The following NOS3 variants were observed in gnomAD, a reference collection of about 807,000 sequenced individuals.
The protein encoded by NOS3 is NOS type III.
A neutral mutation model predicts 144.9 loss-of-function variants in NOS3; 98 were observed. The observed-to-expected ratio is 0.68, with a 90% confidence interval of 0.57 to 0.80. The LOEUF is 0.80. NOS3 is among the 30% of genes least tolerant of loss of function. NOS3 has a pLI of 0.00. For synonymous variants in NOS3, 714 were observed against 702.4 expected, an observed-to-expected ratio of 1.02 and a Z score of -0.26; for missense variants, 1,465 against 1,656.4, an observed-to-expected ratio of 0.88 and a Z score of 2.01.
Position 151,007,279 on chromosome 7 carries a change from G to A in NOS3, c.2112+3G>A, listed in dbSNP as rs759845768. On this transcript the variant is annotated splice_donor_region_variant and intron_variant, in intron 17 of 26. Coordinates refer to ENST00000297494, the MANE Select transcript of NOS3 (RefSeq NM_000603.5). ...GCTGGGCCCAGGCTGCCTTCCAGGT[G>A]AGCCCAGCCCAGCCCCTGCTCTGAC... The A allele has an allele frequency of 1.2e-5, 19 of 1,594,484 alleles. No individual in the cohort carries two copies. Among genetic ancestry groups the A allele is most frequent in the East Asian group, 2.2e-5 (1 of 44,740 alleles).
chr7:150,993,888 C>G lies in NOS3; in HGVS notation c.85C>G (p.Gln29Glu). 1.2e-6 allele frequency: 2 copies of G among 1,600,116 alleles called. No homozygotes were observed. The highest frequency in any genetic ancestry group is 1.7e-6 in the Non-Finnish European group (2 of 1,174,844). Residue 29 changes from glutamine to glutamate, a missense_variant, in exon 2 of 27, where the codon CAG (glutamine) becomes GAG (glutamate). Physicochemically the swap from Gln to Glu is conservative, Grantham distance 29 (BLOSUM62 2). Transcript: ENST00000297494. This position sits in a 1 kb window ranked among gnomAD's most constrained non-coding sequence, Gnocchi z 4.0. The part of the protein sequence containing the change: ...LGLGLGLCGK[Q>E]GPATPAPEPS... ...GCTGGGCCTTGGGCTGTGCGGCAAG[C>G]AGGGCCCAGCCACCCCGGCCCCTGA...
In NOS3 at chr7:150,996,859, C is replaced by A. The variant is rs145711802; in HGVS notation, c.516C>A (p.Phe172Leu). Reference protein sequence around the residue: ...TYQLRESELVFGAKQAWRNAP... With the variant: ...TYQLRESELVLGAKQAWRNAP... ...AGCTTAGGGAGAGCGAGCTGGTGTT[C>A]GGGGCTAAGCAGGCCTGGCGCAACG... The change falls in exon 5 of 27, where the codon TTC (phenylalanine) becomes TTA (leucine). Residue 172 changes from phenylalanine to leucine, a missense_variant. Physicochemically the swap from Phe to Leu is conservative, Grantham distance 22. This residue lies in a region of NOS3 where 374 missense variants were observed against 377.0 expected (regional missense o/e 0.99). Transcript: ENST00000297494. The A allele has an allele frequency of 1.9e-6, 3 of 1,597,584 alleles. No individual in the cohort carries two copies. Among genetic ancestry groups the A allele is most frequent in the Non-Finnish European group, 1.7e-6 (2 of 1,173,032 alleles).
In NOS3 at chr7:151,008,566, G is replaced by A. The variant is rs1194942108; in HGVS notation, c.2113-364G>A. 3.9e-5 allele frequency among the ~76,000 whole-genome samples: 6 copies of A among 152,300 alleles called. No individual in the cohort carries two copies. In the South Asian group the frequency reaches 1.0e-3, roughly 26 times the overall value. On this transcript the variant is annotated intron_variant, in intron 17 of 26. Coordinates refer to ENST00000297494, the MANE Select transcript of NOS3 (RefSeq NM_000603.5). ...CAGAACACAATGAGGTGTAAAGATG[G>A]GGAAACTGAGGCATGTCACTGTAAG...
chr7:151,011,126 C>T, intron 23 of NOS3, 140 bp downstream of exon 23: 1 of 633,596 alleles, frequency 1.6e-6, no homozygotes, highest in Non-Finnish European at 2.8e-6. Context: ...CATTAGGTCA[C>T]TTCAGAACTC....
chr7:151,004,205 C>T (rs1046838775), intron 14 of NOS3, among the ~76,000 whole-genome samples: 2 of 152,162 alleles, frequency 1.3e-5, no homozygotes, highest in East Asian at 1.9e-4. Context: ...GGCATGGTGG[C>T]GCACGCCTAT....
rs775043237 is a variant in NOS3, at chr7:151,013,183, G to T, written c.3107-48G>T. On this transcript the variant is annotated intron_variant, in intron 24 of 26. Coordinates refer to ENST00000297494, the MANE Select transcript of NOS3 (RefSeq NM_000603.5). The stretch of plus-strand genomic sequence containing the variant: ...GGTGGCCTGTGGGGAGGCCCCACTA[G>T]CACTGTGCCCCGGAGAAGAGCCTTC... The T allele has an allele frequency of 1.9e-6, 3 of 1,583,226 alleles. No individual in the cohort carries two copies. In the African/African-American group the frequency reaches 4.0e-5, roughly 21 times the overall value.
intron 5 of NOS3, 145 bp downstream of exon 5, chr7:150,997,070 G>A: frequency 1.9e-6 from 2 of 1,061,452 alleles, no homozygotes; most frequent in East Asian, 2.6e-5. Flanking sequence ...TGGAAAGGTA[G>A]GGGGACTGCC....
chr7:151,009,279 G>A lies in NOS3; in HGVS notation c.2324+12G>A, dbSNP rs758763838. The A allele has an allele frequency of 7.5e-6, 12 of 1,608,026 alleles. No homozygotes were observed. In the Admixed American group the frequency reaches 1.5e-4, roughly 20 times the overall value. Reference sequence around the variant, plus strand: ...AGCAGCAAGTCCACGTGAGGACGACGGCTTTACCGCCCCCCCACCCCTGTC... The same window carrying A: ...AGCAGCAAGTCCACGTGAGGACGACAGCTTTACCGCCCCCCCACCCCTGTC... On this transcript the variant is annotated intron_variant, in intron 19 of 26. Coordinates refer to ENST00000297494, the MANE Select transcript of NOS3 (RefSeq NM_000603.5).
Position 150,996,436 on chromosome 7 carries a change from C to A in NOS3, c.303C>A (p.Gly101=). The change falls in exon 4 of 27, where the codon GGC becomes GGA. Residue 101 remains glycine, a synonymous_variant. Coordinates refer to ENST00000297494, the MANE Select transcript of NOS3 (RefSeq NM_000603.5). ...CCTGCACCCCAAGACGCTGCCTGGG[C>A]TCCCTGGTATTTCCACGGAAACTAC... ...DGPCTPRRCL[G]SLVFPRKLQG... is the part of the protein sequence containing the mutation. 3.9e-6 allele frequency: 6 copies of A among 1,549,572 alleles called. No individual in the cohort carries two copies. Among genetic ancestry groups the A allele is most frequent in the East Asian group, 2.4e-5 (1 of 41,524 alleles).
At position 150,998,927 on chromosome 7, in the gene NOS3, T is replaced by C. The variant is rs780505090; in HGVS notation, c.817-19T>C. ...CATGAGGCTCAGCCCCAGAACCCCC[T>C]CTGGCCCACTCCCCACAGCTCTGCA... On this transcript the variant is annotated intron_variant, in intron 7 of 26. Coordinates refer to ENST00000297494, the MANE Select transcript of NOS3 (RefSeq NM_000603.5). The surrounding 1 kb of genome is among the most constrained non-coding windows in gnomAD (Gnocchi z 5.0). The C allele has an allele frequency of 1.6e-5, 26 of 1,604,850 alleles. No homozygotes were observed. Among genetic ancestry groups the C allele is most frequent in the Non-Finnish European group, 2.1e-5 (25 of 1,176,944 alleles).
chr7:151,006,408 CA>C lies in NOS3; in HGVS notation c.1753-16del, dbSNP rs534758823. ...AAATGAAACAAAACTAACCCTGATG[CA>C]AACACTCCCCTCGCCAGAGCTTTGC... On this transcript the variant is annotated intron_variant, in intron 14 of 26. Transcript: ENST00000297494. The C allele has an allele frequency of 6.2e-7, 1 of 1,608,828 alleles. No individual in the cohort carries two copies. Among genetic ancestry groups the C allele is most frequent in the Non-Finnish European group, 8.5e-7 (1 of 1,175,580 alleles).
rs13305985 is a variant in NOS3 at position 151,002,066 on chromosome 7, A to G, written c.1647+101A>G. ...CAGGAAGTGTTACAAGTCAGGACTCATGAGGAACCCGGAACCACAGGTGTT... is the reference window on the plus strand; with the variant it reads ...CAGGAAGTGTTACAAGTCAGGACTCGTGAGGAACCCGGAACCACAGGTGTT... On this transcript the variant is annotated intron_variant, in intron 13 of 26. Coordinates refer to ENST00000297494, the MANE Select transcript of NOS3 (RefSeq NM_000603.5). This position sits in a 1 kb window ranked among gnomAD's most constrained non-coding sequence, Gnocchi z 4.1. 1.3e-6 allele frequency: 2 copies of G among 1,510,306 alleles called. No individual in the cohort carries two copies. The highest frequency in any genetic ancestry group is 9.1e-7 in the Non-Finnish European group (1 of 1,101,694). The allele number at this position is 1,510,306 out of a possible 1,614,324, so 93.6% of individuals were successfully genotyped here. A position where few individuals can be genotyped will look rare whatever the true frequency, so the allele number is the denominator to read the frequency against.
At position 151,014,484 on chromosome 7, in the gene NOS3, T is replaced by TA; in HGVS notation, c.*316dup. 2.6e-6 allele frequency: 1 copy of TA among 379,024 alleles called. No individual in the cohort carries two copies. Among genetic ancestry groups the TA allele is most frequent in the Non-Finnish European group, 4.7e-6 (1 of 211,176 alleles). The allele number at this position is 379,024 out of a possible 1,614,324, so 23.5% of individuals were successfully genotyped here. ...CCTCTTGCCTCTCTCAGGAGTATCT[T>TA]ACCTGTAAAGTCTAATCTCTAAATC... On this transcript the variant is annotated 3_prime_UTR_variant, in exon 27 of 27. Transcript: ENST00000297494.
In NOS3 at chr7:151,009,403, C is replaced by G. The variant is rs1563229716; in HGVS notation, c.2330C>G (p.Ala777Gly). 2.0e-6 allele frequency: 3 copies of G among 1,493,688 alleles called. No individual in the cohort carries two copies. The highest frequency in any genetic ancestry group is 2.7e-6 in the Non-Finnish European group (3 of 1,110,828). 92.5% of individuals were successfully genotyped at this position (1,493,688 alleles called of 1,614,324 possible). A position where few individuals can be genotyped will look rare whatever the true frequency, so the allele number is the denominator to read the frequency against. The change falls in exon 20 of 27, where the codon GCC (alanine) becomes GGC (glycine). Residue 777 changes from alanine (A) to glycine (G), a missense_variant. Ala to Gly is a moderately conservative substitution (Grantham distance 60, BLOSUM62 0). Coordinates refer to ENST00000297494, the MANE Select transcript of NOS3 (RefSeq NM_000603.5). ...ENLQSSKSTR[A>G]TILVRLDTGG... ...GCCCCTCTCCCCACCCCCAGGAGGG[C>G]CACCATCCTGGTGCGCCTGGACACC... is the stretch of plus-strand genomic sequence containing the variant.
chr7:150,995,643 C>A (rs1480197905), intron 3 of NOS3, among the ~76,000 whole-genome samples: 2 of 8,486 alleles, frequency 2.4e-4, no homozygotes, highest in Admixed American at 1.2e-3. Flanking sequence ...CTCACCCCTG[C>A]ACCCCTCTTC....
chr7:151,007,548 G>A (rs975662162), intron 17 of NOS3, among the ~76,000 whole-genome samples: 1 of 152,208 alleles, frequency 6.6e-6, no homozygotes, highest in Non-Finnish European at 1.5e-5. Context: ...GCACAGGCTG[G>A]GCCTCACAAG....
At position 151,002,246 on chromosome 7, in the gene NOS3, C is replaced by T. The variant is rs781261966; in HGVS notation, c.1694C>T (p.Thr565Met). The change falls in exon 14 of 27, where the codon ACG (threonine) becomes ATG (methionine). Residue 565 changes from threonine to methionine, a missense_variant. By Grantham distance (81) the Thr-to-Met change is moderately conservative. This residue lies in a region of NOS3 where 745 missense variants were observed against 853.9 expected (regional missense o/e 0.87). Transcript: ENST00000297494. This position sits in a 1 kb window ranked among gnomAD's most constrained non-coding sequence, Gnocchi z 4.1. ...GACGTGGTGTCCCTCGAACACGAGA[C>T]GCTGGTGCTGGTGGTAACCAGCACA... The part of the protein sequence containing the change: ...EYDVVSLEHE[T>M]LVLVVTSTFG... 112 of 1,601,658 alleles carry T rather than the reference C, an allele frequency of 7.0e-5. No individual in the cohort carries two copies. In the Admixed American group the frequency reaches 9.6e-4, roughly 14 times the overall value.
In NOS3 at chr7:151,006,934, G is replaced by C; in HGVS notation, c.1866G>C (p.Leu622=). The change falls in exon 16 of 27, where the codon CTG becomes CTC. Residue 622 remains leucine, a synonymous_variant. Transcript: ENST00000297494. ...RFNSISCSDP[L]VSSWRRKRKE... ...ACAGCATCTCCTGCTCAGACCCACT[G>C]GTGTCCTCTTGGCGGCGGAAGAGGA... The C allele has an allele frequency of 6.2e-7, 1 of 1,614,148 alleles. No individual in the cohort carries two copies. The highest frequency in any genetic ancestry group is 2.2e-5 in the East Asian group (1 of 44,890).
At chr7:150,995,178 T>C (rs768131484) in intron 2 of NOS3, 25 bp from the exon 3 acceptor site, 18 of 1,360,276 alleles carry the variant, frequency 1.3e-5, no homozygotes, top group Non-Finnish European at 1.7e-5. Context: ...CCCTTCCTGA[T>C]GACCCTATCC....
Sources: allele counts gnomAD v4.1 joint callset (sites outside exome capture counted in the v4.1 genomes callset), GRCh38; gene constraint gnomAD v4.1.1; regional missense constraint gnomAD v4.1.1; non-coding constraint Gnocchi (gnomAD v3.1); transcripts MANE v1.5; gene names NCBI Gene and HGNC (gene_info 2026-07-23, HGNC 2026-07-21).